The following WIPF1 variants were observed in gnomAD, a reference collection of about 807,000 sequenced individuals.
WIPF1 encodes WAS/WASL-interacting protein family member 1.
Under a neutral mutation model 35.4 loss-of-function variants are expected in WIPF1, and 13 were observed. The observed-to-expected ratio is 0.37, with a 90% CI of 0.24 to 0.58. WIPF1 has a LOEUF of 0.58. Ranked by LOEUF, WIPF1 falls within the 20% of genes least tolerant of loss-of-function variation. The pLI is 0.74. For missense variants in WIPF1, 591 were observed against 667.0 expected (o/e 0.89, Z 1.25); for synonymous variants, 267 against 266.3 (o/e 1.00, Z -0.02).
At position 174,677,508 on chromosome 2, in the gene WIPF1, G is replaced by A. The variant is rs562890375; in HGVS notation, c.-39+5266C>T. 4.6e-5 allele frequency among the ~76,000 whole-genome samples: 7 copies of A among 152,332 alleles called. 1 individual carries two copies. The highest frequency in any genetic ancestry group is 1.7e-4 in the African/African-American group (7 of 41,568). ...CACATGTGAAGCCCAGAACAATAGC[G>A]ATGGAAACTAAGAGAAGGCAGAATC... On this transcript the variant is annotated intron_variant, in intron 1 of 8. Transcript: ENST00000272746.
intron 1 of WIPF1, among the ~76,000 whole-genome samples, chr2:174,648,155 G>A (rs558707735): frequency 7.2e-5 from 11 of 152,166 alleles, no homozygotes; most frequent in Admixed American, 5.9e-4. Flanking sequence ...AACATCTCTC[G>A]AGATTTTATT....
rs548160184 is a variant in WIPF1, at chr2:174,617,391, G to A, written c.-38-31780C>T. The stretch of plus-strand genomic sequence containing the variant: ...GGCCAGGAGAAATACCAAATCATAG[G>A]CATCTGGAAAAGAGAGACAGCCCAG... On this transcript the variant is annotated intron_variant, in intron 1 of 8. Coordinates refer to the WIPF1 transcript ENST00000272746. Among the ~76,000 whole-genome samples, 4 of 152,256 alleles carry A rather than the reference G, an allele frequency of 2.6e-5. No homozygotes were observed. In the South Asian group the frequency reaches 6.2e-4, roughly 24 times the overall value.
intron 1 of WIPF1, among the ~76,000 whole-genome samples, chr2:174,607,511 C>T (rs1007138076): frequency 2.6e-5 from 4 of 152,224 alleles, no homozygotes; most frequent in African/African-American, 9.6e-5. Context: ...ACAGCATTCA[C>T]GGACTCAAAC....
At chr2:174,643,130 T>G (rs1204225448) in intron 1 of WIPF1, among the ~76,000 whole-genome samples, 1 of 149,328 alleles carries the variant, frequency 6.7e-6, no homozygotes, top group African/African-American at 2.6e-5. Context: ...TACTATTATA[T>G]GTGGCCAATA....
chr2:174,567,974 G>T lies in WIPF1; in HGVS notation c.1229C>A (p.Pro410His), dbSNP rs142991283. ...AAGGGGAGGCCTGGGTCCACTCCTG[G>T]GACTGTCTACTCCACTCCTGGATGG... Reference protein sequence around the residue: ...QLPSRSGVDSPRSGPRPPLPP... With the variant: ...QLPSRSGVDSHRSGPRPPLPP... The change falls in exon 6 of 8, where the codon CCC (proline) becomes CAC (histidine). Residue 410 changes from proline (P) to histidine (H), a missense_variant. Physicochemically the swap from Pro to His is moderately conservative, Grantham distance 77. Around this residue, in one of 3 missense-constraint regions of WIPF1, gnomAD observed 117 missense variants for 149.6 expected, o/e 0.78. Transcript: ENST00000679041. 35 of 1,613,988 alleles carry T rather than the reference G, an allele frequency of 2.2e-5. No homozygotes were observed. Among genetic ancestry groups the T allele is most frequent in the Non-Finnish European group, 3.0e-5 (35 of 1,180,028 alleles).
chr2:174,630,773 C>A (rs993214236), intron 1 of WIPF1: 5 of 152,110 alleles, frequency 3.3e-5, no homozygotes, highest in Non-Finnish European at 5.9e-5. Context: ...AAAGAATCAC[C>A]ACACAGCACT....
At chr2:174,661,951 G>A (rs1224818912) in intron 1 of WIPF1, among the ~76,000 whole-genome samples, 1 of 152,080 alleles carries the variant, frequency 6.6e-6, no homozygotes, top group Non-Finnish European at 1.5e-5. Flanking sequence ...GAAAAGAACA[G>A]ATGAAATGAC....
In WIPF1 at chr2:174,575,215, T is replaced by C. The variant is rs749246531; in HGVS notation, c.347A>G (p.Asn116Ser). The C allele has an allele frequency of 1.9e-6, 3 of 1,611,036 alleles. No individual in the cohort carries two copies. In the East Asian group the frequency reaches 6.7e-5, roughly 36 times the overall value. Residue 116 changes from asparagine (N) to serine (S), a missense_variant, in exon 4 of 8, where the codon AAC (asparagine) becomes AGC (serine). Asn to Ser is a conservative substitution (Grantham distance 46). Around this residue, in one of 3 missense-constraint regions of WIPF1, gnomAD observed 471 missense variants for 501.1 expected, o/e 0.94. Transcript: ENST00000679041. ...GAAACTCTCCTTACCATTATCCCTG[T>C]TGGCCGTGGATCTCAGCTTCGGCAT... ...AGMPKLRSTA[N>S]RDNDSGGSRP...
chr2:174,572,078 A>G lies in WIPF1; in HGVS notation c.727T>C (p.Ser243Pro), dbSNP rs2105806815. ...GGAGGCCGGTTGGAGAAGGGCGAGGAGGAGCTCAAGGGGGACTGACGTATT... is the reference window on the plus strand; with the variant it reads ...GGAGGCCGGTTGGAGAAGGGCGAGGGGGAGCTCAAGGGGGACTGACGTATT... ...GSIRQSPLSS[S>P]SPFSNRPPLP... is the part of the protein sequence containing the mutation. Residue 243 changes from serine to proline, a missense_variant, in exon 5 of 8, where the codon TCC (serine) becomes CCC (proline). Coordinates refer to ENST00000679041, the MANE Select transcript of WIPF1 (RefSeq NM_001375834.1). The G allele has an allele frequency of 6.4e-7, 1 of 1,568,146 alleles. No individual in the cohort carries two copies. The highest frequency in any genetic ancestry group is 8.6e-7 in the Non-Finnish European group (1 of 1,158,692).
intron 1 of WIPF1, among the ~76,000 whole-genome samples, chr2:174,605,435 G>T (rs893003797): frequency 1.3e-5 from 2 of 151,994 alleles, no homozygotes; most frequent in African/African-American, 4.8e-5. Flanking sequence ...AAGACTCTGT[G>T]TCAAACAAAC....
chr2:174,645,687 T>C (rs992472095), intron 1 of WIPF1, among the ~76,000 whole-genome samples: 1 of 152,244 alleles, frequency 6.6e-6, no homozygotes, highest in African/African-American at 2.4e-5. Context: ...ACCATTGTGA[T>C]GTGATCTAAG....
intron 1 of WIPF1, among the ~76,000 whole-genome samples, chr2:174,631,225 A>G (rs532067991): frequency 6.6e-6 from 1 of 152,328 alleles, no homozygotes; most frequent in East Asian, 1.9e-4. Context: ...CCAAATGTCC[A>G]CTGATGAATG....
intron 7 of WIPF1, 142 bp from the exon 8 acceptor site, chr2:174,562,744 A>G: frequency 1.8e-6 from 2 of 1,089,864 alleles, no homozygotes; most frequent in Non-Finnish European, 2.7e-6. Context: ...GTTGTGGATG[A>G]GAAGTGAGAG....
At position 174,574,904 on chromosome 2, in the gene WIPF1, C is replaced by T. The variant is rs12990856; in HGVS notation, c.358+300G>A. ...GGCAGATTTCCAGGGCCAGCAAGTT[C>T]TATTTGCTCCTCCCTTTTCTTCCCA... On this transcript the variant is annotated intron_variant, in intron 4 of 7. Coordinates refer to ENST00000679041, the MANE Select transcript of WIPF1 (RefSeq NM_001375834.1). 3 of 716,922 alleles carry T rather than the reference C, an allele frequency of 4.2e-6. No homozygotes were observed. In the East Asian group the frequency reaches 8.1e-5, roughly 19 times the overall value. 44.4% of individuals were successfully genotyped at this position (716,922 alleles called of 1,614,324 possible).
rs1176843785 is a variant in WIPF1, at chr2:174,560,318, G to A, written c.*2229C>T. 1.3e-5 allele frequency: 2 copies of A among 152,590 alleles called. No homozygotes were observed. The highest frequency in any genetic ancestry group is 2.9e-5 in the Non-Finnish European group (2 of 68,008). The allele number at this position is 152,590 out of a possible 1,614,324, so 9.5% of individuals were successfully genotyped here. On this transcript the variant is annotated 3_prime_UTR_variant, in exon 8 of 8. Coordinates refer to ENST00000679041, the MANE Select transcript of WIPF1 (RefSeq NM_001375834.1). Reference sequence around the variant, plus strand: ...AATGGCAACTTTGAGCTATCACCCTGTTTCAGATTTAGAACGGTACCTGCC... The same window carrying A: ...AATGGCAACTTTGAGCTATCACCCTATTTCAGATTTAGAACGGTACCTGCC...
intron 1 of WIPF1, among the ~76,000 whole-genome samples, chr2:174,613,992 G>A (rs1172103780): frequency 1.3e-5 from 2 of 152,136 alleles, no homozygotes; most frequent in African/African-American, 2.4e-5. Flanking sequence ...TAAAAAAGCT[G>A]CACTGATCCA....
At chr2:174,655,231 A>T (rs1009525566) in intron 1 of WIPF1, among the ~76,000 whole-genome samples, 2 of 152,066 alleles carry the variant, frequency 1.3e-5, no homozygotes, top group African/African-American at 4.8e-5. Context: ...ATCCCCTGAG[A>T]TCCATACCAT....
At chr2:174,602,540 T>G (rs1190437758), upstream of WIPF1, among the ~76,000 whole-genome samples, 5 of 152,146 alleles carry the variant, frequency 3.3e-5, no homozygotes, top group Admixed American at 3.3e-4. Flanking sequence ...ATTTTTAGGG[T>G]GAAAAAGAAA....
chr2:174,566,700 T>G, intron 7 of WIPF1: 1 of 175,862 alleles, frequency 5.7e-6, no homozygotes, highest in Non-Finnish European at 1.2e-5. Context: ...TAAAGGGAGT[T>G]TTTGTTATAA....
Sources: gnomAD v4.1 joint callset for allele counts (sites outside exome capture counted in the v4.1 genomes callset) on GRCh38, gnomAD v4.1.1 for gene constraint, gnomAD v4.1.1 regional missense constraint, MANE v1.5 for transcripts, NCBI Gene and HGNC (gene_info 2026-07-23, HGNC 2026-07-21) for gene names.